UHRF2: variants seen among roughly 807,000 people sequenced by gnomAD.
The protein encoded by UHRF2 is E3 ubiquitin-protein ligase UHRF2.
A neutral mutation model predicts 96.8 loss-of-function variants in UHRF2; 23 were observed. That is an observed-to-expected ratio of 0.24 (90% CI 0.17 to 0.34). UHRF2 has a LOEUF of 0.34. Ranked by LOEUF, UHRF2 falls within the 10% of genes least tolerant of loss-of-function variation. UHRF2 has a pLI of 1.00. For synonymous variants in UHRF2, 385 were observed against 332.6 expected (o/e 1.16, Z -1.72); for missense variants, 685 against 981.5 (o/e 0.70, Z 4.04).
intron 1 of UHRF2, among the ~76,000 whole-genome samples, chr9:6,419,391 C>T (rs1819793168): frequency 6.6e-6 from 1 of 151,966 alleles, no homozygotes; most frequent in Non-Finnish European, 1.5e-5. Flanking sequence ...TTGATAATTG[C>T]AGATCGATAG....
chr9:6,475,591 A>G (rs1823518873), intron 5 of UHRF2, 91 bp downstream of exon 5: 1 of 591,492 alleles, frequency 1.7e-6, no homozygotes, highest in Non-Finnish European at 2.8e-6. Context: ...GGAAGGAAGT[A>G]TAAAACTGTA....
chr9:6,464,052 A>G (rs909107525), intron 4 of UHRF2, among the ~76,000 whole-genome samples: 2 of 152,314 alleles, frequency 1.3e-5, no homozygotes, highest in Admixed American at 1.3e-4. Flanking sequence ...ACCAGGTTAC[A>G]GTTCTGCAAC....
intron 9 of UHRF2, among the ~76,000 whole-genome samples, chr9:6,489,635 T>C (rs937293202): frequency 1.3e-5 from 2 of 152,236 alleles, no homozygotes; most frequent in Non-Finnish European, 2.9e-5. Context: ...TATCTTATTG[T>C]TGGACGTGAT....
At chr9:6,455,473 C>CT (rs374502598) in intron 3 of UHRF2, among the ~76,000 whole-genome samples, 1 of 152,124 alleles carries the variant, frequency 6.6e-6, no homozygotes, top group Non-Finnish European at 1.5e-5. Context: ...TGCACTTATC[C>CT]TTTTTTATGG....
chr9:6,422,837 G>A (rs1286009472), intron 2 of UHRF2: 3 of 393,654 alleles, frequency 7.6e-6, no homozygotes, highest in African/African-American at 4.1e-5. Flanking sequence ...CTTTATTTCT[G>A]GTAGCTTTGT....
chr9:6,443,170 AAGTTGC>A (rs1237191171), intron 3 of UHRF2, among the ~76,000 whole-genome samples: 1 of 152,226 alleles, frequency 6.6e-6, no homozygotes, highest in Non-Finnish European at 1.5e-5. Context: ...TTGGCTAGGC[AAGTTGC>A]AGTCTTTAAC....
intron 2 of UHRF2, among the ~76,000 whole-genome samples, chr9:6,426,945 C>T (rs538314790): frequency 2.6e-5 from 4 of 151,728 alleles, no homozygotes; most frequent in African/African-American, 9.7e-5. Flanking sequence ...GACAAGATTT[C>T]ACCATGTTGG....
intron 2 of UHRF2, among the ~76,000 whole-genome samples, chr9:6,432,253 A>T (rs531089603): frequency 6.6e-6 from 1 of 152,308 alleles, no homozygotes; most frequent in East Asian, 1.9e-4. Context: ...TTTCATTGCT[A>T]CCATGTTCAT....
At position 6,448,496 on chromosome 9, in the gene UHRF2, G is replaced by A. The variant is rs10975594; in HGVS notation, c.645-12077G>A. On this transcript the variant is annotated intron_variant, in intron 3 of 15. Coordinates refer to ENST00000276893, the MANE Select transcript of UHRF2 (RefSeq NM_152896.3). ...GAAAAACGTCTCTGTTTTTATTACC[G>A]TCCAAATAAATAACTTCTATGCTTC... Among the ~76,000 whole-genome samples, 850 of 152,222 alleles carry A rather than the reference G, an allele frequency of 5.6e-3. 12 individuals are homozygous for A. The East Asian group carries it at 0.061, about 11-fold the overall frequency.
At chr9:6,504,381 G>C (rs903250358) in intron 14 of UHRF2, 2 of 363,152 alleles carry the variant, frequency 5.5e-6, no homozygotes, top group East Asian at 9.5e-5. Context: ...ATAATAGATG[G>C]ATATATTTTG....
intron 3 of UHRF2, among the ~76,000 whole-genome samples, chr9:6,442,610 C>G (rs1563759344): frequency 6.6e-6 from 1 of 151,744 alleles, no homozygotes; most frequent in Non-Finnish European, 1.5e-5. Flanking sequence ...TCTCATGTAG[C>G]TGGGACCACA....
chr9:6,431,681 G>A (rs148848349), intron 2 of UHRF2, among the ~76,000 whole-genome samples: 1 of 152,258 alleles, frequency 6.6e-6, no homozygotes, highest in African/African-American at 2.4e-5. Context: ...TGATGTTCAA[G>A]CAATGGCAGT....
At chr9:6,444,774 T>A (rs1359815124) in intron 3 of UHRF2, among the ~76,000 whole-genome samples, 1 of 152,122 alleles carries the variant, frequency 6.6e-6, no homozygotes, top group East Asian at 1.9e-4. Flanking sequence ...GCCTAATTTT[T>A]GTATTTTTAG....
chr9:6,462,401 A>C (rs527478278), intron 4 of UHRF2, among the ~76,000 whole-genome samples: 1 of 152,232 alleles, frequency 6.6e-6, no homozygotes, highest in African/African-American at 2.4e-5. Flanking sequence ...TCTTACAAAC[A>C]AAAGTGTGAT....
intron 4 of UHRF2, among the ~76,000 whole-genome samples, chr9:6,466,944 A>G (rs1408611639): frequency 2.0e-5 from 3 of 152,228 alleles, no homozygotes; most frequent in Non-Finnish European, 2.9e-5. Context: ...GACATAAGCT[A>G]CTTAAATTCT....
At chr9:6,447,151 A>G (rs1372030472) in intron 3 of UHRF2, among the ~76,000 whole-genome samples, 1 of 152,138 alleles carries the variant, frequency 6.6e-6, no homozygotes, top group East Asian at 1.9e-4. Flanking sequence ...TGCCTCCCAA[A>G]GTGCTGGGAT....
chr9:6,442,652 A>ATT (rs35764668), intron 3 of UHRF2, among the ~76,000 whole-genome samples: 1 of 144,102 alleles, frequency 6.9e-6, no homozygotes, highest in Non-Finnish European at 1.5e-5. Context: ...TTAATTTTTG[A>ATT]TTTTTTTTTT....
chr9:6,462,833 C>T (rs1322016417), intron 4 of UHRF2, among the ~76,000 whole-genome samples: 1 of 152,170 alleles, frequency 6.6e-6, no homozygotes, highest in Non-Finnish European at 1.5e-5. Flanking sequence ...AGAGGAATCA[C>T]TTGAACCCAC....
chr9:6,470,097 G>A (rs746851409), intron 4 of UHRF2, among the ~76,000 whole-genome samples: 70 of 152,216 alleles, frequency 4.6e-4, no homozygotes, highest in Non-Finnish European at 5.9e-4. Context: ...CCAGCTGGGC[G>A]TGGTGGCTCA....
Sources: allele counts gnomAD v4.1 joint callset (sites outside exome capture counted in the v4.1 genomes callset), GRCh38; gene constraint gnomAD v4.1.1; transcripts MANE v1.5; gene names NCBI Gene and HGNC (gene_info 2026-07-23, HGNC 2026-07-21).